TADA2A: variants seen among roughly 807,000 people sequenced by gnomAD.
The protein encoded by TADA2A is transcriptional adaptor 2A.
Under a neutral mutation model 67.4 loss-of-function variants are expected in TADA2A, and 38 were observed. That is an observed-to-expected ratio of 0.56 (90% CI 0.44 to 0.74). The LOEUF is 0.74. Ranked by LOEUF, TADA2A falls within the 30% of genes least tolerant of loss-of-function variation. TADA2A has a pLI of 0.00. For missense variants in TADA2A, 454 were observed against 547.0 expected (o/e 0.83, Z 1.70); for synonymous variants, 192 against 181.6 (o/e 1.06, Z -0.46).
chr17:37,465,351 A>C, intron 10 of TADA2A, 80 bp from the exon 11 acceptor site: 1 of 1,093,622 alleles, frequency 9.1e-7, no homozygotes, highest in Non-Finnish European at 1.3e-6. Context: ...CATTTTACTA[A>C]TTGTAAAAAA....
intron 6 of TADA2A, 49 bp from the exon 7 acceptor site, chr17:37,442,514 TC>T: frequency 7.1e-7 from 1 of 1,408,202 alleles, no homozygotes; most frequent in South Asian, 1.2e-5. Context: ...GTCATTTTTT[TC>T]ATGCCAATAT....
intron 2 of TADA2A, among the ~76,000 whole-genome samples, chr17:37,423,047 T>C (rs906269534): frequency 6.6e-6 from 1 of 152,160 alleles, no homozygotes; most frequent in African/African-American, 2.4e-5. Flanking sequence ...AAGACCAGCC[T>C]GGGCAACATG....
chr17:37,471,918 G>C (rs2053795708), intron 14 of TADA2A, among the ~76,000 whole-genome samples: 1 of 151,870 alleles, frequency 6.6e-6, no homozygotes, highest in Non-Finnish European at 1.5e-5. Context: ...TTACCTCTTT[G>C]AGTATGTCCT....
At chr17:37,452,808 C>T (rs2053270748) in intron 8 of TADA2A, among the ~76,000 whole-genome samples, 1 of 151,858 alleles carries the variant, frequency 6.6e-6, no homozygotes, top group South Asian at 2.1e-4. Flanking sequence ...AAACTATTGC[C>T]TTAAATCTTG....
chr17:37,408,325 CCA>C (rs1161561121), intron 1 of TADA2A: 2 of 152,012 alleles, frequency 1.3e-5, no homozygotes, highest in Non-Finnish European at 2.9e-5. Flanking sequence ...CGTTCTCAGC[CCA>C]CCGCAACCTC....
chr17:37,471,997 C>T (rs2053797282), intron 14 of TADA2A, among the ~76,000 whole-genome samples: 1 of 151,824 alleles, frequency 6.6e-6, no homozygotes, highest in South Asian at 2.1e-4. Context: ...GATTGGTAAT[C>T]GATGACTGGG....
intron 8 of TADA2A, among the ~76,000 whole-genome samples, chr17:37,456,916 CCTT>C (rs1355955235): frequency 6.6e-6 from 1 of 152,126 alleles, no homozygotes; most frequent in Admixed American, 6.6e-5. Flanking sequence ...CCTCTTTCCT[CCTT>C]CTTCCCTGTG....
At chr17:37,457,585 C>T (rs2053431531) in intron 8 of TADA2A, among the ~76,000 whole-genome samples, 1 of 148,598 alleles carries the variant, frequency 6.7e-6, no homozygotes, top group South Asian at 2.1e-4. Flanking sequence ...GCAACCTCAC[C>T]TCCTGGCTTT....
In TADA2A at chr17:37,408,745, T is replaced by C. The variant is rs563262791; in HGVS notation, c.-98+1796T>C. Reference sequence around the variant, plus strand: ...AAAAGTTCAGTAAATTTGGCAGTTATTTGATTGCTGCGTTCGTAATACACC... The same window carrying C: ...AAAAGTTCAGTAAATTTGGCAGTTACTTGATTGCTGCGTTCGTAATACACC... On this transcript the variant is annotated intron_variant, in intron 1 of 15. Coordinates refer to ENST00000615182, the MANE Select transcript of TADA2A (RefSeq NM_001166105.3). Among the ~76,000 whole-genome samples, 45 of 152,316 alleles carry C rather than the reference T, an allele frequency of 3.0e-4. 1 individual carries two copies. The highest frequency in any genetic ancestry group is 1.0e-3 in the African/African-American group (43 of 41,576).
At chr17:37,431,157 A>G (rs1019994864) in intron 4 of TADA2A, among the ~76,000 whole-genome samples, 8 of 152,084 alleles carry the variant, frequency 5.3e-5, no homozygotes, top group African/African-American at 1.9e-4. Flanking sequence ...TTATTATAGA[A>G]AAGTTCAGAT....
At chr17:37,411,426 T>C in intron 2 of TADA2A, 36 bp downstream of exon 2, 1 of 1,602,306 alleles carries the variant, frequency 6.2e-7, no homozygotes, top group Non-Finnish European at 8.5e-7. Flanking sequence ...GGTGACTTAT[T>C]ATTATTTTTT....
rs200809737 is a variant in TADA2A, at chr17:37,439,906, CTTTA to C, written c.285-564_285-561del. Among the ~76,000 whole-genome samples, 922 of 132,108 alleles carry C rather than the reference CTTTA, an allele frequency of 7.0e-3. 13 individuals are homozygous for C. The highest frequency in any genetic ancestry group is 0.02 in the African/African-American group (696 of 34,600). The allele number at this position is 132,108 out of a possible 152,430, so 86.7% of individuals were successfully genotyped here. A position where few individuals can be genotyped will look rare whatever the true frequency, so the allele number is the denominator to read the frequency against. ...GAAAATTTACAAATTTTCCAGTCAT[CTTTA>C]TTTATTTATTTATTTATTTATTTAT... is the stretch of plus-strand genomic sequence containing the variant. On this transcript the variant is annotated intron_variant, in intron 5 of 15. Coordinates refer to ENST00000615182, the MANE Select transcript of TADA2A (RefSeq NM_001166105.3).
intron 4 of TADA2A, among the ~76,000 whole-genome samples, chr17:37,436,915 G>A (rs1006763684): frequency 2.0e-5 from 3 of 151,464 alleles, no homozygotes; most frequent in Non-Finnish European, 2.9e-5. Context: ...AAAAATATAT[G>A]TATATCTGCA....
At chr17:37,428,282 A>G (rs1332243373) in intron 4 of TADA2A, among the ~76,000 whole-genome samples, 1 of 151,868 alleles carries the variant, frequency 6.6e-6, no homozygotes, top group Non-Finnish European at 1.5e-5. Context: ...TGAAATGAAG[A>G]TGTTGGCCAG....
intron 8 of TADA2A, among the ~76,000 whole-genome samples, chr17:37,449,619 A>AT (rs11337212): frequency 9.0e-4 from 123 of 136,720 alleles, no homozygotes; most frequent in African/African-American, 1.1e-3. Flanking sequence ...TACAATCTTG[A>AT]TTTTTTTTTT....
At chr17:37,474,504 G>C in intron 14 of TADA2A, 52 bp from the exon 15 acceptor site, 1 of 1,574,884 alleles carries the variant, frequency 6.3e-7, no homozygotes, top group Non-Finnish European at 8.7e-7. Context: ...CTTTACACCT[G>C]AGAAATTGTC....
At chr17:37,466,491 C>T (rs561975214) in intron 11 of TADA2A, among the ~76,000 whole-genome samples, 2 of 152,148 alleles carry the variant, frequency 1.3e-5, no homozygotes, top group Non-Finnish European at 2.9e-5. Context: ...TTGTTCTGTA[C>T]CTTTCATCAT....
intron 8 of TADA2A, among the ~76,000 whole-genome samples, chr17:37,449,242 C>T (rs2053166758): frequency 1.3e-5 from 2 of 152,106 alleles, no homozygotes; most frequent in South Asian, 2.1e-4. Context: ...AGGATAGTCT[C>T]GATCTCCTGA....
At position 37,462,135 on chromosome 17, in the gene TADA2A, G is replaced by A. The variant is rs1047709221; in HGVS notation, c.712+14G>A. ...GAAAGTTTCAATGTAAGTATTAGCA[G>A]TTTTCTTTATTTTACAATTTTTTTC... is the stretch of plus-strand genomic sequence containing the variant. On this transcript the variant is annotated intron_variant, in intron 10 of 15. Transcript: ENST00000615182. 4 of 1,506,118 alleles carry A rather than the reference G, an allele frequency of 2.7e-6. No individual in the cohort carries two copies. The highest frequency in any genetic ancestry group is 3.6e-6 in the Non-Finnish European group (4 of 1,100,072). 93.3% of individuals were successfully genotyped at this position (1,506,118 alleles called of 1,614,324 possible).
Sources: allele counts gnomAD v4.1 joint callset (sites outside exome capture counted in the v4.1 genomes callset), GRCh38; gene constraint gnomAD v4.1.1; transcripts MANE v1.5; gene names NCBI Gene and HGNC (gene_info 2026-07-23, HGNC 2026-07-21).